The following RILPL1 variants were observed in gnomAD, a reference collection of about 807,000 sequenced individuals.
The protein encoded by RILPL1 is RILP-like protein 1.
RILPL1 carries 33 observed loss-of-function variants against 50.3 expected under a neutral mutation model. The observed-to-expected ratio is 0.66, with a 90% confidence interval of 0.50 to 0.88. The LOEUF (loss-of-function observed/expected upper bound fraction) is 0.88, where lower values mean the gene tolerates loss of function less well. RILPL1 is among the 40% of genes least tolerant of loss of function. RILPL1 has a pLI of 0.00. For missense variants in RILPL1, 418 were observed against 542.5 expected (o/e 0.77, Z 2.28); for synonymous variants, 205 against 228.6 (o/e 0.90, Z 0.93).
intron 1 of RILPL1, among the ~76,000 whole-genome samples, chr12:123,531,911 T>G (rs1271416894): frequency 1.3e-5 from 2 of 152,046 alleles, no homozygotes; most frequent in Admixed American, 6.6e-5. Context: ...GCTCCCAGAG[T>G]GACCTCGGAA....
chr12:123,509,246 C>T (rs867565419), intron 2 of RILPL1, among the ~76,000 whole-genome samples: 13 of 152,082 alleles, frequency 8.5e-5, no homozygotes, highest in South Asian at 2.1e-4. Flanking sequence ...GTCCATACAA[C>T]GGAATGTTAC....
In RILPL1 at chr12:123,472,494, C is replaced by G; in HGVS notation, c.*44G>C. The G allele has an allele frequency of 6.5e-7, 1 of 1,547,628 alleles. No individual in the cohort carries two copies. The highest frequency in any genetic ancestry group is 8.7e-7 in the Non-Finnish European group (1 of 1,145,206). Reference sequence around the variant, plus strand: ...CTGGGCTGCAGTTCGGTTGCAGGCGCTGGTGGCGGGCAGTCCAGGTTGGAG... The same window carrying G: ...CTGGGCTGCAGTTCGGTTGCAGGCGGTGGTGGCGGGCAGTCCAGGTTGGAG... On this transcript the variant is annotated 3_prime_UTR_variant, in exon 7 of 7. Coordinates refer to ENST00000376874, the MANE Select transcript of RILPL1 (RefSeq NM_178314.5).
At chr12:123,510,752 G>A (rs1403737298) in intron 2 of RILPL1, among the ~76,000 whole-genome samples, 1 of 107,422 alleles carries the variant, frequency 9.3e-6, no homozygotes, top group Admixed American at 9.1e-5. Flanking sequence ...TGTGAGGTCT[G>A]TGTGTGTGAA....
chr12:123,511,270 G>GTATACAT, intron 2 of RILPL1, among the ~76,000 whole-genome samples: 1 of 108,890 alleles, frequency 9.2e-6, no homozygotes, highest in Non-Finnish European at 1.7e-5. Context: ...GTGTGTGTGT[G>GTATACAT]GTGTGTGCAG....
At position 123,485,199 on chromosome 12, in the gene RILPL1, G is replaced by C. The variant is rs1234868059; in HGVS notation, c.974+434C>G. The C allele has an allele frequency of 1.1e-5, 5 of 456,962 alleles. No homozygotes were observed. The highest frequency in any genetic ancestry group is 2.2e-5 in the Non-Finnish European group (5 of 227,596). The allele number at this position is 456,962 out of a possible 1,614,324, so 28.3% of individuals were successfully genotyped here. A position where few individuals can be genotyped will look rare whatever the true frequency, so the allele number is the denominator to read the frequency against. ...AGATAAATAAGACTTCTGGTCTCAT[G>C]TTGCTTGTGGTCTCATGTGGAAACC... On this transcript the variant is annotated intron_variant, in intron 5 of 6. Transcript: ENST00000376874. This position sits in a 1 kb window ranked among gnomAD's most constrained non-coding sequence, Gnocchi z 4.0.
intron 1 of RILPL1, among the ~76,000 whole-genome samples, chr12:123,528,564 A>G (rs1330642626): frequency 6.6e-6 from 1 of 151,322 alleles, no homozygotes; most frequent in Non-Finnish European, 1.5e-5. Context: ...AGTAGCTGGG[A>G]CCACAGGCGC....
chr12:123,483,045 C>T (rs1438969139), intron 6 of RILPL1, among the ~76,000 whole-genome samples: 1 of 152,042 alleles, frequency 6.6e-6, no homozygotes, highest in African/African-American at 2.4e-5. Flanking sequence ...GGGTAACACT[C>T]CACTTCCTCT....
intron 2 of RILPL1, among the ~76,000 whole-genome samples, chr12:123,512,434 G>C (rs1358410607): frequency 2.9e-5 from 4 of 139,294 alleles, no homozygotes; most frequent in Non-Finnish European, 6.2e-5. Flanking sequence ...TCTGAGGTCT[G>C]TGTGTGTGGT....
chr12:123,515,710 A>G (rs1206761731), intron 2 of RILPL1, among the ~76,000 whole-genome samples: 1 of 151,140 alleles, frequency 6.6e-6, no homozygotes, highest in Non-Finnish European at 1.5e-5. Flanking sequence ...TCAGCCTCCC[A>G]AAGTGTTGGG....
At position 123,501,691 on chromosome 12, in the gene RILPL1, C is replaced by T. The variant is rs189575861; in HGVS notation, c.461-2155G>A. Among the ~76,000 whole-genome samples the T allele has an allele frequency of 7.3e-3, 992 of 135,848 alleles. 8 individuals are homozygous for T. The highest frequency in any genetic ancestry group is 0.026 in the African/African-American group (939 of 36,082). 89.1% of individuals were successfully genotyped at this position (135,848 alleles called of 152,430 possible). A position where few individuals can be genotyped will look rare whatever the true frequency, so the allele number is the denominator to read the frequency against. ...AGGAGACTCGCTTGAACCCGGGAGG[C>T]GGAGGTTGCAGTGAGCCAAGATCAC... On this transcript the variant is annotated intron_variant, in intron 2 of 6. Transcript: ENST00000376874.
At chr12:123,480,158 C>CT (rs957649286) in intron 6 of RILPL1, among the ~76,000 whole-genome samples, 2,601 of 116,990 alleles carry the variant, frequency 0.022, 103 homozygotes, top group East Asian at 0.19. Flanking sequence ...AAGGCTGATT[C>CT]TTTTTTTTTT....
intron 6 of RILPL1, among the ~76,000 whole-genome samples, chr12:123,476,332 T>C (rs1339346658): frequency 7.0e-6 from 1 of 143,138 alleles, no homozygotes; most frequent in Non-Finnish European, 1.5e-5. Flanking sequence ...TCCCTGCTAC[T>C]AGGGAGGCTG....
chr12:123,514,498 C>G (rs979260354), intron 2 of RILPL1: 1 of 152,018 alleles, frequency 6.6e-6, no homozygotes, highest in South Asian at 2.1e-4. Flanking sequence ...GCAATCTCAG[C>G]TCACTGCAAC....
Position 123,533,460 on chromosome 12 carries a change from G to A in RILPL1, c.23C>T (p.Ala8Val). The change falls in exon 1 of 7, where the codon GCG (alanine) becomes GTG (valine). Residue 8 changes from alanine to valine, a missense_variant. Ala to Val is a moderately conservative substitution (Grantham distance 64). Coordinates refer to ENST00000376874, the MANE Select transcript of RILPL1 (RefSeq NM_178314.5). The surrounding 1 kb of genome is among the most constrained non-coding windows in gnomAD (Gnocchi z 6.2). MEEERGS[A>V]LAAESALEKN... Reference sequence around the variant, plus strand: ...CTCCAGCGCCGACTCGGCCGCCAGCGCCGACCCCCGCTCCTCCTCCATGGC... The same window carrying A: ...CTCCAGCGCCGACTCGGCCGCCAGCACCGACCCCCGCTCCTCCTCCATGGC... 2 of 1,528,388 alleles carry A rather than the reference G, an allele frequency of 1.3e-6. No individual in the cohort carries two copies. The highest frequency in any genetic ancestry group is 8.8e-7 in the Non-Finnish European group (1 of 1,135,376). The allele number at this position is 1,528,388 out of a possible 1,614,324, so 94.7% of individuals were successfully genotyped here.
intron 2 of RILPL1, chr12:123,518,437 G>A: frequency 3.0e-6 from 1 of 329,136 alleles, no homozygotes; most frequent in Non-Finnish European, 6.2e-6. Context: ...AGCCTGGGAG[G>A]TTGAGGCTAT....
intron 2 of RILPL1, among the ~76,000 whole-genome samples, chr12:123,504,374 CTT>C (rs752069871): frequency 2.2e-4 from 33 of 152,298 alleles, no homozygotes; most frequent in African/African-American, 1.4e-4. Context: ...CCTCCTCTCT[CTT>C]GTCTTGGTGG....
intron 2 of RILPL1, among the ~76,000 whole-genome samples, chr12:123,510,466 T>G (rs1427254938): frequency 7.3e-6 from 1 of 137,218 alleles, no homozygotes; most frequent in Non-Finnish European, 1.5e-5. Flanking sequence ...ATGTGGGGTC[T>G]GTGTGTGTGG....
intron 1 of RILPL1, among the ~76,000 whole-genome samples, chr12:123,531,269 A>G (rs1422874303): frequency 6.6e-6 from 1 of 152,170 alleles, no homozygotes; most frequent in South Asian, 2.1e-4. Flanking sequence ...CACGGTGTTC[A>G]CTTCCCAGCT....
chr12:123,512,215 CTG>C (rs1370949402), intron 2 of RILPL1, among the ~76,000 whole-genome samples: 1 of 97,194 alleles, frequency 1.0e-5, no homozygotes, highest in Non-Finnish European at 2.0e-5. Context: ...TGTCTGAGGT[CTG>C]TGTGTGGTGT....
Sources: gnomAD v4.1 joint callset for allele counts (sites outside exome capture counted in the v4.1 genomes callset) on GRCh38, gnomAD v4.1.1 for gene constraint, Gnocchi (gnomAD v3.1) non-coding constraint, MANE v1.5 for transcripts, NCBI Gene and HGNC (gene_info 2026-07-23, HGNC 2026-07-21) for gene names.